Variants in ATP6V1C2 observed in about 807,000 individuals in gnomAD.
The protein encoded by ATP6V1C2 is V-type proton ATPase subunit C 2.
Under a neutral mutation model 56.8 loss-of-function variants are expected in ATP6V1C2, and 45 were observed. The ratio of observed to expected loss-of-function variants is 0.79; its 90% confidence interval spans 0.62 to 1.02. The LOEUF (loss-of-function observed/expected upper bound fraction) is 1.02, where lower values mean the gene tolerates loss of function less well. Ranked by LOEUF, ATP6V1C2 falls within the 50% of genes least tolerant of loss-of-function variation. The probability of loss-of-function intolerance (pLI) is 0.00; values close to 1 mark genes in which losing one functional copy is unlikely to be tolerated. For synonymous variants in ATP6V1C2, 220 were observed against 201.3 expected (o/e 1.09, Z -0.79); for missense variants, 463 against 519.7 (o/e 0.89, Z 1.06).
At chr2:10,769,439 C>T (rs1430536410) in intron 6 of ATP6V1C2, among the ~76,000 whole-genome samples, 1 of 152,092 alleles carries the variant, frequency 6.6e-6, no homozygotes, top group African/African-American at 2.4e-5. Context: ...GCTGGTGGCT[C>T]ATGCCTGTAA....
intron 1 of ATP6V1C2, among the ~76,000 whole-genome samples, chr2:10,722,092 G>A (rs1408144610): frequency 2.0e-5 from 3 of 152,276 alleles, no homozygotes; most frequent in East Asian, 3.9e-4. Context: ...AGACGCCGCG[G>A]GGAGGCAAGC....
intron 12 of ATP6V1C2, 74 bp from the exon 13 acceptor site, chr2:10,782,169 G>A: frequency 6.4e-7 from 1 of 1,566,228 alleles, no homozygotes; most frequent in Non-Finnish European, 8.7e-7. Flanking sequence ...GGAATGTACT[G>A]TTTCTGGTCA....
rs539943383 is a variant in ATP6V1C2 at position 10,722,882 on chromosome 2, C to A, written c.33C>A (p.Gly11=). ...AGTTTTGGTTAATTTCTGCCCCTGG[C>A]GATAAGGAAAATTTGCAAGCTCTGG... is the stretch of plus-strand genomic sequence containing the variant. The part of the protein sequence containing the change: MSEFWLISAP[G]DKENLQALER... Residue 11 remains glycine, a synonymous_variant, in exon 2 of 14, where the codon GGC becomes GGA. Coordinates refer to ENST00000272238, the MANE Select transcript of ATP6V1C2 (RefSeq NM_001039362.2). 5 of 1,613,918 alleles carry A rather than the reference C, an allele frequency of 3.1e-6. No homozygotes were observed. Among genetic ancestry groups the A allele is most frequent in the South Asian group, 1.1e-5 (1 of 91,064 alleles).
chr2:10,734,117 A>G (rs190518122), intron 3 of ATP6V1C2, among the ~76,000 whole-genome samples: 2 of 152,282 alleles, frequency 1.3e-5, no homozygotes, highest in African/African-American at 4.8e-5. Flanking sequence ...CCGCGGTTGC[A>G]TGTCTCTGTA....
intron 6 of ATP6V1C2, among the ~76,000 whole-genome samples, chr2:10,769,710 C>G (rs1201771016): frequency 6.6e-6 from 1 of 151,350 alleles, no homozygotes; most frequent in East Asian, 2.0e-4. Flanking sequence ...CAAAAACAAA[C>G]AAACAAACAA....
chr2:10,724,969 T>G (rs1661562463), intron 2 of ATP6V1C2, among the ~76,000 whole-genome samples: 1 of 151,632 alleles, frequency 6.6e-6, no homozygotes. Context: ...TTTTCTTAAT[T>G]TTTTTTTTCT....
chr2:10,742,300 G>A (rs757032670), intron 3 of ATP6V1C2, among the ~76,000 whole-genome samples: 5 of 152,154 alleles, frequency 3.3e-5, no homozygotes, highest in Admixed American at 6.6e-5. Context: ...CTTCTCTTTG[G>A]TGTTGCATAG....
rs578061034 is a variant in ATP6V1C2, at chr2:10,757,197, C to T, written c.283+3131C>T. Reference sequence around the variant, plus strand: ...ATGGCTAATTTTTGTATTTTTAGTACAGACTGGGTTTCTCCACGCTGGCCG... The same window carrying T: ...ATGGCTAATTTTTGTATTTTTAGTATAGACTGGGTTTCTCCACGCTGGCCG... On this transcript the variant is annotated intron_variant, in intron 4 of 13. Coordinates refer to ENST00000272238, the MANE Select transcript of ATP6V1C2 (RefSeq NM_001039362.2). Among the ~76,000 whole-genome samples, 140 of 151,926 alleles carry T rather than the reference C, an allele frequency of 9.2e-4. 1 individual carries two copies. Among genetic ancestry groups the T allele is most frequent in the African/African-American group, 3.2e-3 (134 of 41,432 alleles).
intron 7 of ATP6V1C2, 132 bp from the exon 8 acceptor site, chr2:10,772,410 G>A (rs905623961): frequency 7.7e-6 from 6 of 783,412 alleles, no homozygotes; most frequent in Non-Finnish European, 1.4e-5. Context: ...CAGGGGAGGT[G>A]AGGGCTCCCT....
At chr2:10,720,960 A>G (rs1352434309), upstream of ATP6V1C2, 3 of 152,116 alleles carry the variant, frequency 2.0e-5, no homozygotes, top group Non-Finnish European at 4.4e-5. Flanking sequence ...CTGGTTCCAG[A>G]CAGCACCGAT....
At chr2:10,783,078 C>G (rs769965309) in intron 13 of ATP6V1C2, 96 bp from the exon 14 acceptor site, 1 of 875,558 alleles carries the variant, frequency 1.1e-6, no homozygotes, top group South Asian at 1.4e-5. Flanking sequence ...CAGAGCAGAA[C>G]GTACGCTCAG....
chr2:10,758,949 G>A (rs528273314), intron 4 of ATP6V1C2, among the ~76,000 whole-genome samples: 1 of 152,322 alleles, frequency 6.6e-6, no homozygotes, highest in South Asian at 2.1e-4. Flanking sequence ...TTACAAGTGT[G>A]AGCCACCGCG....
chr2:10,744,482 T>C (rs900644910), intron 3 of ATP6V1C2, among the ~76,000 whole-genome samples: 2 of 152,172 alleles, frequency 1.3e-5, no homozygotes, highest in Admixed American at 6.6e-5. Flanking sequence ...TCTGTGAACC[T>C]ATAGACGAGC....
Position 10,726,523 on chromosome 2 carries a change from G to A in ATP6V1C2, c.151G>A (p.Val51Ile), listed in dbSNP as rs780203954. Residue 51 changes from valine to isoleucine, a missense_variant, in exon 3 of 14, where the codon GTT (valine) becomes ATT (isoleucine). By Grantham distance (29) the Val-to-Ile change is conservative. Coordinates refer to ENST00000272238, the MANE Select transcript of ATP6V1C2 (RefSeq NM_001039362.2). Reference protein sequence around the residue: ...DFKVGTLDSLVGLSDELGKLD... With the variant: ...DFKVGTLDSLIGLSDELGKLD... Reference sequence around the variant, plus strand: ...CTAGGTGGGGACCTTGGATTCCCTGGTTGGCCTCTCTGATGAGTTGGGGAA... The same window carrying A: ...CTAGGTGGGGACCTTGGATTCCCTGATTGGCCTCTCTGATGAGTTGGGGAA... The A allele has an allele frequency of 2.5e-6, 4 of 1,613,876 alleles. No individual in the cohort carries two copies. The Admixed American group carries it at 5.0e-5, about 20-fold the overall frequency.
At chr2:10,748,570 G>T (rs7571129) in intron 3 of ATP6V1C2, among the ~76,000 whole-genome samples, 2,724 of 152,188 alleles carry the variant, frequency 0.018, 78 homozygotes, top group African/African-American at 0.062. Flanking sequence ...ATTGTTTACA[G>T]TGCTTTTTTA....
intron 3 of ATP6V1C2, among the ~76,000 whole-genome samples, chr2:10,742,792 T>C (rs1331587551): frequency 1.3e-5 from 2 of 152,146 alleles, no homozygotes; most frequent in African/African-American, 4.8e-5. Context: ...CCCGTAGTGT[T>C]TGTGGAAAGG....
chr2:10,723,870 G>GC, intron 2 of ATP6V1C2, among the ~76,000 whole-genome samples: 1 of 128,084 alleles, frequency 7.8e-6, no homozygotes, highest in Non-Finnish European at 1.6e-5. Context: ...TGAGACATGT[G>GC]CAATTTTTTT....
In ATP6V1C2 at chr2:10,755,453, A is replaced by G. The variant is rs142587916; in HGVS notation, c.283+1387A>G. Among the ~76,000 whole-genome samples, 1,233 of 152,334 alleles carry G rather than the reference A, an allele frequency of 8.1e-3. 13 individuals carry two copies. The highest frequency in any genetic ancestry group is 0.028 in the African/African-American group (1,167 of 41,572). On this transcript the variant is annotated intron_variant, in intron 4 of 13. Transcript: ENST00000272238. ...TGCCTTGGCCTCCCAAAGTGCTGGG[A>G]TTCCAGGTGTGAGCCACTGTTCCTG... is the stretch of plus-strand genomic sequence containing the variant.
intron 4 of ATP6V1C2, among the ~76,000 whole-genome samples, chr2:10,761,905 C>T (rs573783651): frequency 2.4e-4 from 36 of 152,360 alleles, no homozygotes; most frequent in African/African-American, 4.3e-4. Flanking sequence ...TTCCGAGTCC[C>T]GGTGGCCTAG....
Sources: gnomAD v4.1 joint callset for allele counts (sites outside exome capture counted in the v4.1 genomes callset) on GRCh38, gnomAD v4.1.1 for gene constraint, MANE v1.5 for transcripts, NCBI Gene and HGNC (gene_info 2026-07-23, HGNC 2026-07-21) for gene names.